The following MEMO1 variants were observed in gnomAD, a reference collection of about 807,000 sequenced individuals.
MEMO1 encodes protein MEMO1.
Under a neutral mutation model 45.2 loss-of-function variants are expected in MEMO1, and 6 were observed. The observed-to-expected ratio is 0.13, with a 90% CI of 0.07 to 0.26. The LOEUF is 0.26. Among genes scored for constraint, MEMO1 ranks in the 10% least tolerant of loss-of-function variants. The probability of loss-of-function intolerance (pLI) is 1.00; values close to 1 mark genes in which losing one functional copy is unlikely to be tolerated. For synonymous variants in MEMO1, 78 were observed against 124.3 expected, an observed-to-expected ratio of 0.63 and a Z score of 2.48; for missense variants, 184 against 370.5, an observed-to-expected ratio of 0.50 and a Z score of 4.13.
intron 2 of MEMO1, among the ~76,000 whole-genome samples, chr2:31,970,672 T>C (rs1669279807): frequency 6.6e-6 from 1 of 152,122 alleles, no homozygotes; most frequent in Non-Finnish European, 1.5e-5. Context: ...CAAAACACTT[T>C]TTATTAATAC....
chr2:31,899,536 A>G (rs1282228210), intron 6 of MEMO1, among the ~76,000 whole-genome samples: 1 of 152,248 alleles, frequency 6.6e-6, no homozygotes, highest in Admixed American at 6.5e-5. Context: ...AAATTAACTT[A>G]AATGGATTAA....
At chr2:31,936,051 C>G (rs1188453776) in intron 3 of MEMO1, among the ~76,000 whole-genome samples, 2 of 152,136 alleles carry the variant, frequency 1.3e-5, no homozygotes, top group Non-Finnish European at 2.9e-5. Context: ...GCAACCTCCA[C>G]CTAGCAGGTT....
chr2:31,917,206 GA>G (rs1358226966), intron 6 of MEMO1, among the ~76,000 whole-genome samples: 1 of 152,062 alleles, frequency 6.6e-6, no homozygotes, highest in African/African-American at 2.4e-5. Context: ...AACTAAATAT[GA>G]AATATTAAGT....
chr2:31,971,406 C>T (rs1172243745), intron 2 of MEMO1, among the ~76,000 whole-genome samples: 3 of 152,026 alleles, frequency 2.0e-5, no homozygotes, highest in Non-Finnish European at 2.9e-5. Context: ...CATCACCATG[C>T]CCAGATGATT....
chr2:31,893,054 T>C (rs899235085), intron 6 of MEMO1, among the ~76,000 whole-genome samples: 3 of 152,138 alleles, frequency 2.0e-5, no homozygotes, highest in African/African-American at 7.2e-5. Flanking sequence ...AGGACCTTTT[T>C]AAAAAAATCA....
chr2:31,888,416 A>C (rs1676488578), intron 7 of MEMO1, among the ~76,000 whole-genome samples: 1 of 152,130 alleles, frequency 6.6e-6, no homozygotes, highest in Non-Finnish European at 1.5e-5. Flanking sequence ...AGAAATATAA[A>C]TTTCAGGAAG....
chr2:31,921,032 A>G, intron 4 of MEMO1, 122 bp from the exon 5 acceptor site: 2 of 627,010 alleles, frequency 3.2e-6, no homozygotes, highest in East Asian at 6.4e-5. Context: ...CCAACTGTTA[A>G]TGGCTGAACT....
chr2:31,901,978 A>T (rs1352132362), intron 6 of MEMO1, among the ~76,000 whole-genome samples: 1 of 152,068 alleles, frequency 6.6e-6, no homozygotes, highest in East Asian at 1.9e-4. Flanking sequence ...ACTAAAAAAA[A>T]ACATTGAGTT....
At chr2:31,881,562 A>G (rs541152384) in intron 8 of MEMO1, among the ~76,000 whole-genome samples, 1 of 151,798 alleles carries the variant, frequency 6.6e-6, no homozygotes, top group Admixed American at 6.6e-5. Context: ...CCCAAAAACA[A>G]GACAATACAC....
intron 8 of MEMO1, among the ~76,000 whole-genome samples, chr2:31,880,628 G>T (rs1675221481): frequency 6.6e-6 from 1 of 152,096 alleles, no homozygotes; most frequent in African/African-American, 2.4e-5. Flanking sequence ...CAAGCTGACA[G>T]AATTTAAAGA....
intron 8 of MEMO1, among the ~76,000 whole-genome samples, chr2:31,870,897 G>C (rs990515713): frequency 7.2e-5 from 11 of 151,958 alleles, no homozygotes; most frequent in Non-Finnish European, 4.4e-5. Context: ...GGTCTCTTAT[G>C]AACAAGATTA....
chr2:31,995,182 T>C (rs1672436891), intron 2 of MEMO1, among the ~76,000 whole-genome samples: 2 of 152,064 alleles, frequency 1.3e-5, no homozygotes, highest in Non-Finnish European at 2.9e-5. Flanking sequence ...CCAGGGACGG[T>C]GGCTCACACC....
intron 2 of MEMO1, among the ~76,000 whole-genome samples, chr2:31,969,899 G>A (rs1202840948): frequency 6.6e-6 from 1 of 151,202 alleles, no homozygotes; most frequent in Non-Finnish European, 1.5e-5. Flanking sequence ...CCTGGCCACG[G>A]TATTTTCTAA....
At position 31,963,927 on chromosome 2, in the gene MEMO1, C is replaced by G. The variant is rs190436196; in HGVS notation, c.62-20544G>C. On this transcript the variant is annotated intron_variant, in intron 2 of 9. Coordinates refer to ENST00000404530, the MANE Select transcript of MEMO1 (RefSeq NM_001301833.4). Reference sequence around the variant, plus strand: ...TAAGATTCATACCAAAAAAAGAATGCAATATACTTCATTAATTTCATTGAT... The same window carrying G: ...TAAGATTCATACCAAAAAAAGAATGGAATATACTTCATTAATTTCATTGAT... Among the ~76,000 whole-genome samples the G allele has an allele frequency of 1.6e-4, 24 of 152,072 alleles. 1 individual carries two copies. The highest frequency in any genetic ancestry group is 4.4e-5 in the Non-Finnish European group (3 of 68,016).
At chr2:31,879,866 G>A (rs899817358) in intron 8 of MEMO1, among the ~76,000 whole-genome samples, 6 of 152,126 alleles carry the variant, frequency 3.9e-5, no homozygotes, top group African/African-American at 1.4e-4. Flanking sequence ...GTATAAGACT[G>A]AACTCATCTT....
chr2:31,924,462 C>T (rs972358726), intron 4 of MEMO1, among the ~76,000 whole-genome samples: 8 of 150,284 alleles, frequency 5.3e-5, no homozygotes, highest in African/African-American at 2.0e-4. Flanking sequence ...AAAAAAAAAC[C>T]TTTAACACGA....
intron 5 of MEMO1, among the ~76,000 whole-genome samples, chr2:31,920,499 C>T (rs1457944538): frequency 6.6e-6 from 1 of 152,046 alleles, no homozygotes; most frequent in Non-Finnish European, 1.5e-5. Context: ...GGTATGGGTA[C>T]TAATTTTTTG....
intron 6 of MEMO1, among the ~76,000 whole-genome samples, chr2:31,907,210 C>T (rs904454669): frequency 6.6e-5 from 10 of 152,240 alleles, no homozygotes; most frequent in Admixed American, 5.9e-4. Context: ...TCAACTATTA[C>T]CTCTTTCCTC....
intron 2 of MEMO1, among the ~76,000 whole-genome samples, chr2:32,000,696 T>C (rs1673191244): frequency 1.3e-5 from 2 of 152,108 alleles, no homozygotes; most frequent in South Asian, 4.1e-4. Flanking sequence ...TATTTAATAT[T>C]GCAGCCTGGA....
Sources: allele counts gnomAD v4.1 joint callset (sites outside exome capture counted in the v4.1 genomes callset), GRCh38; gene constraint gnomAD v4.1.1; transcripts MANE v1.5; gene names NCBI Gene and HGNC (gene_info 2026-07-23, HGNC 2026-07-21).